MBNL2: variants seen among roughly 807,000 people sequenced by gnomAD.
MBNL2 encodes the protein muscleblind-like protein 2.
MBNL2 carries 17 observed loss-of-function variants against 41.9 expected under a neutral mutation model. The observed-to-expected ratio is 0.41, with a 90% confidence interval of 0.28 to 0.61. The LOEUF is 0.61. Among genes scored for constraint, MBNL2 ranks in the 20% least tolerant of loss-of-function variants. The pLI is 0.35. For synonymous variants in MBNL2, 195 were observed against 182.9 expected (o/e 1.07, Z -0.53); for missense variants, 336 against 505.6 (o/e 0.66, Z 3.22).
At chr13:97,258,486 T>A (rs1445029191) in intron 1 of MBNL2, among the ~76,000 whole-genome samples, 1 of 152,354 alleles carries the variant, frequency 6.6e-6, no homozygotes, top group South Asian at 2.1e-4. Context: ...AATTACCCTC[T>A]TCCTGTTCCT....
the MBNL2 span, among the ~76,000 whole-genome samples, chr13:97,164,943 G>C: frequency 6.6e-6 from 1 of 152,280 alleles, no homozygotes; most frequent in African/African-American, 2.4e-5. Flanking sequence ...GGTGGCTCAC[G>C]CCTGTAATCC....
chr13:97,380,007 GT>G (rs2065289154), intron 8 of MBNL2, among the ~76,000 whole-genome samples: 1 of 152,126 alleles, frequency 6.6e-6, no homozygotes. Flanking sequence ...TTGGACCTAG[GT>G]TTTCATTTAA....
intron 1 of MBNL2, among the ~76,000 whole-genome samples, chr13:97,253,992 C>T (rs959395852): frequency 2.0e-5 from 3 of 152,042 alleles, no homozygotes; most frequent in African/African-American, 4.8e-5. Flanking sequence ...TGGGTTCAAG[C>T]GATTCTCCTG....
intron 1 of MBNL2, among the ~76,000 whole-genome samples, chr13:97,239,856 C>T (rs992547811): frequency 4.6e-5 from 7 of 152,124 alleles, no homozygotes; most frequent in Non-Finnish European, 1.0e-4. Context: ...GAGGGCCACT[C>T]GAAAACTTAA....
At chr13:97,312,588 G>A (rs963819724) in intron 2 of MBNL2, among the ~76,000 whole-genome samples, 6 of 152,154 alleles carry the variant, frequency 3.9e-5, no homozygotes, top group African/African-American at 7.2e-5. Flanking sequence ...AGCTCTCAAA[G>A]ACCAGGAAAC....
chr13:97,144,414 A>G, the MBNL2 span, among the ~76,000 whole-genome samples: 4 of 123,892 alleles, frequency 3.2e-5, no homozygotes, highest in African/African-American at 1.3e-4. Context: ...GCCTCTAGAC[A>G]TGATACTTCT....
At chr13:97,322,469 A>T (rs2059587165) in intron 2 of MBNL2, among the ~76,000 whole-genome samples, 1 of 152,198 alleles carries the variant, frequency 6.6e-6, no homozygotes, top group Non-Finnish European at 1.5e-5. Context: ...TTACATCAGA[A>T]AAACCCATTG....
intron 2 of MBNL2, among the ~76,000 whole-genome samples, chr13:97,328,703 C>T (rs912288631): frequency 1.3e-5 from 2 of 152,134 alleles, no homozygotes; most frequent in South Asian, 2.1e-4. Flanking sequence ...AATTGTAGAT[C>T]GTAGAAATCC....
rs1379478927 is a variant in MBNL2 at position 97,391,549 on chromosome 13, C to T, written c.*100C>T. 5 of 700,092 alleles carry T rather than the reference C, an allele frequency of 7.1e-6. No homozygotes were observed. The highest frequency in any genetic ancestry group is 1.3e-5 in the Non-Finnish European group (5 of 394,336). 43.4% of individuals were successfully genotyped at this position (700,092 alleles called of 1,614,324 possible). On this transcript the variant is annotated 3_prime_UTR_variant, in exon 9 of 9. Transcript: ENST00000679496. ...TATGGTATGCTTAGTATATTCCAAC[C>T]TAAGATAGTTAACTACCTGAGACCA...
rs140856966 is a variant in MBNL2, at chr13:97,278,581, G to A, written c.174+2172G>A. Among the ~76,000 whole-genome samples the A allele has an allele frequency of 6.6e-5, 10 of 152,256 alleles. No homozygotes were observed. In the East Asian group the frequency reaches 1.9e-3, roughly 29 times the overall value. ...ATTCATCACATCACTTTGGATTCAAGTAATCCAGCCCCCAGAATAAAGGGT... is the reference window on the plus strand; with the variant it reads ...ATTCATCACATCACTTTGGATTCAAATAATCCAGCCCCCAGAATAAAGGGT... On this transcript the variant is annotated intron_variant, in intron 2 of 8. Coordinates refer to ENST00000679496, the MANE Select transcript of MBNL2 (RefSeq NM_001382683.1).
chr13:97,164,302 C>T, the MBNL2 span, among the ~76,000 whole-genome samples: 1 of 152,216 alleles, frequency 6.6e-6, no homozygotes, highest in South Asian at 2.1e-4. Context: ...GCCACCGCAC[C>T]CAGTTGGTTA....
the MBNL2 span, among the ~76,000 whole-genome samples, chr13:97,171,432 T>C: frequency 3.3e-5 from 5 of 152,336 alleles, no homozygotes; most frequent in East Asian, 5.8e-4. Flanking sequence ...TTAAATTCCT[T>C]TGAAGACAGT....
chr13:97,150,022 T>A, the MBNL2 span, among the ~76,000 whole-genome samples: 1 of 152,234 alleles, frequency 6.6e-6, no homozygotes, highest in African/African-American at 2.4e-5. Context: ...GCTCTGGCAC[T>A]GCATGGCTGC....
At chr13:97,289,760 T>C (rs1404649013) in intron 2 of MBNL2, among the ~76,000 whole-genome samples, 1 of 152,056 alleles carries the variant, frequency 6.6e-6, no homozygotes, top group Non-Finnish European at 1.5e-5. Flanking sequence ...TCCAACACAG[T>C]GGTAAAGTAA....
At chr13:97,255,426 C>T (rs1035265998) in intron 1 of MBNL2, among the ~76,000 whole-genome samples, 5 of 152,158 alleles carry the variant, frequency 3.3e-5, no homozygotes, top group African/African-American at 4.8e-5. Context: ...CCTTGGGCCA[C>T]GTAGCCACTC....
chr13:97,325,823 A>T (rs1389523984), intron 2 of MBNL2, among the ~76,000 whole-genome samples: 2 of 152,230 alleles, frequency 1.3e-5, no homozygotes, highest in Non-Finnish European at 2.9e-5. Flanking sequence ...TTCCTCATTT[A>T]CTAGTTGTTA....
chr13:97,253,132 A>G (rs74707382), intron 1 of MBNL2, among the ~76,000 whole-genome samples: 6,182 of 152,296 alleles, frequency 0.041, 413 homozygotes, highest in African/African-American at 0.14. Flanking sequence ...AAAGTTCAGG[A>G]TAGTACATTT....
chr13:97,174,305 T>A, the MBNL2 span, among the ~76,000 whole-genome samples: 53 of 152,196 alleles, frequency 3.5e-4, no homozygotes, highest in Non-Finnish European at 5.1e-4. Context: ...CTTCTGTCTG[T>A]CTTCTGGTTA....
chr13:97,144,971 C>T, the MBNL2 span, among the ~76,000 whole-genome samples: 8 of 152,310 alleles, frequency 5.3e-5, no homozygotes, highest in South Asian at 1.7e-3. Flanking sequence ...AACTTACAGG[C>T]ACATGGTAGC....
Sources: allele counts gnomAD v4.1 joint callset (sites outside exome capture counted in the v4.1 genomes callset), GRCh38; gene constraint gnomAD v4.1.1; transcripts MANE v1.5; gene names NCBI Gene and HGNC (gene_info 2026-07-23, HGNC 2026-07-21).